Variants in PARVB observed in about 807,000 individuals in gnomAD.
The protein encoded by PARVB is beta-parvin.
PARVB carries 46 observed loss-of-function variants against 47.0 expected under a neutral mutation model. That is an observed-to-expected ratio of 0.98 (90% confidence interval 0.77 to 1.25). PARVB has a LOEUF of 1.25. PARVB is among the 50% of genes most tolerant of loss of function. PARVB has a pLI of 0.00. For synonymous variants in PARVB, 196 were observed against 196.3 expected (o/e 1.00, Z 0.01); for missense variants, 473 against 471.6 (o/e 1.00, Z -0.03).
Position 43,999,255 on chromosome 22 carries a change from T to C in PARVB, c.-86T>C, listed in dbSNP as rs2050386361. The C allele has an allele frequency of 9.7e-6, 11 of 1,134,902 alleles. 1 individual carries two copies. The South Asian group carries it at 1.7e-4, about 17-fold the overall frequency. 70.3% of individuals were successfully genotyped at this position (1,134,902 alleles called of 1,614,324 possible). A position where few individuals can be genotyped will look rare whatever the true frequency, so the allele number is the denominator to read the frequency against. ...CGTCCTCCCCATCTCCGGCAGCTCC[T>C]TAAACTAAGAACTCATTTTAATTTC... On this transcript the variant is annotated 5_prime_UTR_variant, in exon 1 of 14. Transcript: ENST00000406477.
intron 1 of PARVB, among the ~76,000 whole-genome samples, chr22:44,042,460 C>T (rs1322369911): frequency 6.6e-6 from 1 of 152,128 alleles, no homozygotes; most frequent in Non-Finnish European, 1.5e-5. Context: ...GCTCATCTCC[C>T]CAGTAAGCTG....
chr22:44,035,037 A>G (rs1601506400), intron 1 of PARVB, among the ~76,000 whole-genome samples: 1 of 152,140 alleles, frequency 6.6e-6, no homozygotes, highest in African/African-American at 2.4e-5. Context: ...GACTCCCACA[A>G]AACTTAACTA....
intron 1 of PARVB, among the ~76,000 whole-genome samples, chr22:44,078,110 T>A (rs900133526): frequency 6.6e-5 from 10 of 152,184 alleles, no homozygotes; most frequent in Non-Finnish European, 1.2e-4. Context: ...AGCCCCAAGC[T>A]CACAGCGTGG....
At chr22:44,078,510 C>T (rs767792627) in intron 1 of PARVB, among the ~76,000 whole-genome samples, 13 of 152,178 alleles carry the variant, frequency 8.5e-5, no homozygotes, top group Non-Finnish European at 1.6e-4. Context: ...TCTGGTCCTC[C>T]TGCTTCCTCT....
At chr22:44,011,436 A>T (rs536612829) in intron 2 of PARVB, among the ~76,000 whole-genome samples, 2 of 152,000 alleles carry the variant, frequency 1.3e-5, no homozygotes, top group East Asian at 2.0e-4. Flanking sequence ...AACATGATGA[A>T]ACCCTGTCTC....
At chr22:44,138,810 AG>A (rs778997011) in intron 7 of PARVB, among the ~76,000 whole-genome samples, 5 of 152,184 alleles carry the variant, frequency 3.3e-5, no homozygotes, top group Non-Finnish European at 5.9e-5. Flanking sequence ...TGTCACTCCC[AG>A]GCATCCTGAG....
Position 44,034,514 on chromosome 22 carries a change from C to G in PARVB, c.112+10063C>G, listed in dbSNP as rs534106975. Among the ~76,000 whole-genome samples the G allele has an allele frequency of 1.2e-3, 179 of 152,052 alleles. 2 individuals are homozygous for G. Among genetic ancestry groups the G allele is most frequent in the Admixed American group, 1.5e-3 (23 of 15,232 alleles). On this transcript the variant is annotated intron_variant, in intron 1 of 12. Transcript: ENST00000338758. ...CCTCAAGGGATCCTCCTGCCTTAGC[C>G]TCCTGAGTAGCTGAAACAATAGGTG...
intron 11 of PARVB, among the ~76,000 whole-genome samples, chr22:44,158,343 T>C (rs1429047942): frequency 6.6e-6 from 1 of 152,236 alleles, no homozygotes; most frequent in African/African-American, 2.4e-5. Context: ...TTAATAATTG[T>C]GATCACATCT....
chr22:44,054,809 G>T (rs1490513412), intron 1 of PARVB, among the ~76,000 whole-genome samples: 1 of 151,828 alleles, frequency 6.6e-6, no homozygotes, highest in Admixed American at 6.6e-5. Flanking sequence ...GGCCAACATG[G>T]TGAAACTCCC....
At chr22:44,015,809 A>C (rs2050570544) in intron 2 of PARVB, among the ~76,000 whole-genome samples, 1 of 152,128 alleles carries the variant, frequency 6.6e-6, no homozygotes, top group Non-Finnish European at 1.5e-5. Flanking sequence ...ACAAGAGCAA[A>C]ACTCTGTCTC....
chr22:44,167,806 G>T (rs1464109063), intron 12 of PARVB, among the ~76,000 whole-genome samples: 8 of 152,220 alleles, frequency 5.3e-5, no homozygotes, highest in Admixed American at 5.2e-4. Context: ...ACACTCGTGG[G>T]CAGGTCATTT....
chr22:44,098,077 C>T (rs2052351519), intron 2 of PARVB, among the ~76,000 whole-genome samples: 4 of 152,190 alleles, frequency 2.6e-5, no homozygotes, highest in South Asian at 4.1e-4. Context: ...TCTTGCTTCT[C>T]CTCAGTTCAG....
At chr22:44,096,928 G>A (rs1265460321) in intron 2 of PARVB, among the ~76,000 whole-genome samples, 1 of 152,074 alleles carries the variant, frequency 6.6e-6, no homozygotes, top group Non-Finnish European at 1.5e-5. Flanking sequence ...CACCTAGCCT[G>A]TGTGGACCCA....
At chr22:44,128,859 C>T (rs113732475) in intron 4 of PARVB, among the ~76,000 whole-genome samples, 3,394 of 152,290 alleles carry the variant, frequency 0.022, 50 homozygotes, top group Non-Finnish European at 0.026. Flanking sequence ...GGGCAGATCA[C>T]TTGAGGTCAG....
At chr22:44,105,063 G>A (rs2052537495) in intron 3 of PARVB, 1 of 152,220 alleles carries the variant, frequency 6.6e-6, no homozygotes, top group African/African-American at 2.4e-5. Flanking sequence ...GGTGATGTGG[G>A]ACAATGCGCA....
At chr22:44,061,157 G>A (rs1425381424) in intron 1 of PARVB, among the ~76,000 whole-genome samples, 5 of 152,076 alleles carry the variant, frequency 3.3e-5, no homozygotes, top group Admixed American at 2.6e-4. Context: ...GGCTGGGCAC[G>A]GTGACTCATG....
At chr22:44,074,477 G>T (rs1258357023) in intron 1 of PARVB, among the ~76,000 whole-genome samples, 1 of 152,214 alleles carries the variant, frequency 6.6e-6, no homozygotes, top group Non-Finnish European at 1.5e-5. Context: ...CCAGAGCCTA[G>T]TGCCACCCTC....
At chr22:44,027,269 C>T (rs771273169) in intron 1 of PARVB, among the ~76,000 whole-genome samples, 4 of 152,148 alleles carry the variant, frequency 2.6e-5, no homozygotes, top group Admixed American at 1.3e-4. Context: ...CACAGGGTTC[C>T]CCACTGTGAC....
chr22:44,055,260 G>T (rs925249355), intron 1 of PARVB, among the ~76,000 whole-genome samples: 6 of 151,902 alleles, frequency 3.9e-5, no homozygotes, highest in African/African-American at 1.5e-4. Context: ...GACCAGTGCC[G>T]CCTTGAACGT....
Sources: allele counts gnomAD v4.1 joint callset (sites outside exome capture counted in the v4.1 genomes callset), GRCh38; gene constraint gnomAD v4.1.1; transcripts MANE v1.5; gene names NCBI Gene and HGNC (gene_info 2026-07-23, HGNC 2026-07-21).